Variants in ID4 observed in about 807,000 individuals in gnomAD.
ID4 encodes the protein DNA-binding protein inhibitor ID-4.
Under a neutral mutation model 8.6 loss-of-function variants are expected in ID4, and 9 were observed. The observed-to-expected ratio is 1.04, with a 90% CI of 0.63 to 1.82. The LOEUF is 1.82. Among genes scored for constraint, ID4 ranks in the 40% most tolerant of loss-of-function variants. The pLI is 0.00. For missense variants in ID4, 270 were observed against 235.1 expected, an observed-to-expected ratio of 1.15 and a Z score of -0.97; for synonymous variants, 180 against 118.0, an observed-to-expected ratio of 1.53 and a Z score of -3.41.
Position 19,838,111 on chromosome 6 carries a change from A to G in ID4, c.357A>G (p.Pro119=). 6.3e-7 allele frequency: 1 copy of G among 1,585,398 alleles called. No homozygotes were observed. The highest frequency in any genetic ancestry group is 8.6e-7 in the Non-Finnish European group (1 of 1,167,486). Residue 119 remains proline, a synonymous_variant, in exon 1 of 3, where the codon CCA becomes CCG. Transcript: ENST00000378700. ...ACCCGGCCCTGCTGAGGCAGCCACC[A>G]CCGCCCGCGCCGCCACACCACCCGG... is the stretch of plus-strand genomic sequence containing the variant. ...ETHPALLRQP[P]PPAPPHHPAG... is the part of the protein sequence containing the mutation.
At position 19,838,604 on chromosome 6, in the gene ID4, G is replaced by C. The variant is rs951123916; in HGVS notation, c.462G>C (p.Gln154His). ...TCCAGGCCGGCGCGGTGAACAAGCA[G>C]GGCGACAGCATTCTGTGCCGCTGAG... ...NTDPAGAVNK[Q>H]GDSILCR Residue 154 changes from glutamine (Q) to histidine (H), a missense_variant, in exon 2 of 3, where the codon CAG (glutamine) becomes CAC (histidine). By Grantham distance (24) the Gln-to-His change is conservative (BLOSUM62 0). Coordinates refer to ENST00000378700, the MANE Select transcript of ID4 (RefSeq NM_001546.4). The C allele has an allele frequency of 6.2e-7, 1 of 1,613,894 alleles. No homozygotes were observed. The highest frequency in any genetic ancestry group is 1.3e-5 in the African/African-American group (1 of 74,938).
At position 19,837,979 on chromosome 6, in the gene ID4, G is replaced by C; in HGVS notation, c.225G>C (p.Leu75=). The C allele has an allele frequency of 6.3e-7, 1 of 1,590,878 alleles. No individual in the cohort carries two copies. The highest frequency in any genetic ancestry group is 8.6e-7 in the Non-Finnish European group (1 of 1,169,064). ...QCDMNDCYSR[L]RRLVPTIPPN... ...ATATGAACGACTGCTATAGCCGCCT[G>C]CGGAGGCTGGTGCCCACCATCCCGC... The change falls in exon 1 of 3, where the codon CTG becomes CTC. Residue 75 remains leucine (L), a synonymous_variant. Transcript: ENST00000378700.
In ID4 at chr6:19,840,723, T is replaced by TA. The variant is rs1761344418; in HGVS notation, c.*1529dup. 1 of 82,418 alleles carries TA rather than the reference T, an allele frequency of 1.2e-5. No individual in the cohort carries two copies. 5.1% of individuals were successfully genotyped at this position (82,418 alleles called of 1,614,324 possible). ...TCTCATTTCTTTAAAACCTTACTCT[T>TA]ATTTTTCTTTTAAGGCTCTTTTTTC... On this transcript the variant is annotated 3_prime_UTR_variant, in exon 3 of 3. Transcript: ENST00000378700.
chr6:19,837,660 A>T lies in ID4; in HGVS notation c.-95A>T. ...CCGAGCGCGCCGGGCGCGGAGGCAA[A>T]GGGAGCGGAGCCGGCCGCGGACGGG... is the stretch of plus-strand genomic sequence containing the variant. On this transcript the variant is annotated 5_prime_UTR_variant, in exon 1 of 3. In the 5' UTR this introduces an upstream ATG that the reference lacks. Coordinates refer to ENST00000378700, the MANE Select transcript of ID4 (RefSeq NM_001546.4). 2 of 886,914 alleles carry T rather than the reference A, an allele frequency of 2.3e-6. No homozygotes were observed. The highest frequency in any genetic ancestry group is 5.3e-5 in the South Asian group (1 of 18,820). 54.9% of individuals were successfully genotyped at this position (886,914 alleles called of 1,614,324 possible). A position where few individuals can be genotyped will look rare whatever the true frequency, so the allele number is the denominator to read the frequency against.
Position 19,840,740 on chromosome 6 carries a change from T to C in ID4, c.*1545T>C, listed in dbSNP as rs149571293. The C allele has an allele frequency of 1.2e-4, 18 of 152,306 alleles. No homozygotes were observed. The highest frequency in any genetic ancestry group is 4.1e-4 in the African/African-American group (17 of 41,576). 9.4% of individuals were successfully genotyped at this position (152,306 alleles called of 1,614,324 possible). ...CTTACTCTTATTTTTCTTTTAAGGC[T>C]CTTTTTTCTCCTTAAGGAAGGTAAT... On this transcript the variant is annotated 3_prime_UTR_variant, in exon 3 of 3. Coordinates refer to ENST00000378700, the MANE Select transcript of ID4 (RefSeq NM_001546.4).
intron 2 of ID4, 48 bp downstream of exon 2, chr6:19,838,690 G>C (rs1169468845): frequency 1.3e-6 from 2 of 1,540,662 alleles, no homozygotes; most frequent in Admixed American, 1.7e-5. Context: ...AGAGACGCCC[G>C]TCCCCGAGGG....
At position 19,837,704 on chromosome 6, in the gene ID4, T is replaced by C; in HGVS notation, c.-51T>C. ...GGACGGGGCCCGGAGCTTGCCTGCC[T>C]CCCTCGCTCGCCCCAGCGGGTTCGC... is the stretch of plus-strand genomic sequence containing the variant. On this transcript the variant is annotated 5_prime_UTR_variant, in exon 1 of 3. Coordinates refer to ENST00000378700, the MANE Select transcript of ID4 (RefSeq NM_001546.4). 9.3e-7 allele frequency: 1 copy of C among 1,076,962 alleles called. No homozygotes were observed. 66.7% of individuals were successfully genotyped at this position (1,076,962 alleles called of 1,614,324 possible). A position where few individuals can be genotyped will look rare whatever the true frequency, so the allele number is the denominator to read the frequency against.
rs1389226766 is a variant in ID4 at position 19,840,304 on chromosome 6, C to T, written c.*1109C>T. 6.6e-6 allele frequency: 1 copy of T among 152,492 alleles called. No individual in the cohort carries two copies. Among genetic ancestry groups the T allele is most frequent in the East Asian group, 1.9e-4 (1 of 5,190 alleles). 9.4% of individuals were successfully genotyped at this position (152,492 alleles called of 1,614,324 possible). ...AAGTGAAAAAAAATTGCTTATTACT[C>T]TTCATTTTACACTAAAGCTTAATGT... On this transcript the variant is annotated 3_prime_UTR_variant, in exon 3 of 3. Transcript: ENST00000378700.
rs149534584 is a variant in ID4, at chr6:19,838,083, C to A, written c.329C>A (p.Thr110Lys). Residue 110 changes from threonine to lysine, a missense_variant, in exon 1 of 3, where the codon ACG (threonine) becomes AAG (lysine). Thr to Lys is a moderately conservative substitution (Grantham distance 78). Around this residue, in one of 3 missense-constraint regions of ID4, gnomAD observed 107 missense variants for 81.0 expected, o/e 1.32. Transcript: ENST00000378700. ...CTGGACCTGCAGCTGGCGCTGGAGA[C>A]GCACCCGGCCCTGCTGAGGCAGCCA... ...YILDLQLALE[T>K]HPALLRQPPP... 6.2e-7 allele frequency: 1 copy of A among 1,604,904 alleles called. No homozygotes were observed. The highest frequency in any genetic ancestry group is 1.3e-5 in the African/African-American group (1 of 74,456).
chr6:19,841,105 A>G lies in ID4; in HGVS notation c.*1910A>G, dbSNP rs1216298399. Among the ~76,000 whole-genome samples, 5 of 152,210 alleles carry G rather than the reference A, an allele frequency of 3.3e-5. No individual in the cohort carries two copies. The East Asian group carries it at 9.6e-4, about 29-fold the overall frequency. ...AGAAATGAACAAAACTAATGCTAGC[A>G]GGTTAAAATCAATCAAAATGTTTAA... On this transcript the variant is annotated 3_prime_UTR_variant, in exon 3 of 3. Transcript: ENST00000378700.
In ID4 at chr6:19,840,720, T is replaced by C. The variant is rs1232076083; in HGVS notation, c.*1525T>C. The stretch of plus-strand genomic sequence containing the variant: ...TGGTCTCATTTCTTTAAAACCTTAC[T>C]CTTATTTTTCTTTTAAGGCTCTTTT... On this transcript the variant is annotated 3_prime_UTR_variant, in exon 3 of 3. Transcript: ENST00000378700. The C allele has an allele frequency of 7.2e-6, 1 of 138,196 alleles. No homozygotes were observed. The highest frequency in any genetic ancestry group is 1.6e-5 in the Non-Finnish European group (1 of 63,360). 8.6% of individuals were successfully genotyped at this position (138,196 alleles called of 1,614,324 possible).
chr6:19,839,875 T>C lies in ID4; in HGVS notation c.*680T>C, dbSNP rs375230011. Reference sequence around the variant, plus strand: ...CTATGGGAATATTTCTTTTGGAAAATCATTTTTCAGCTCAATTACAGAGCT... The same window carrying C: ...CTATGGGAATATTTCTTTTGGAAAACCATTTTTCAGCTCAATTACAGAGCT... On this transcript the variant is annotated 3_prime_UTR_variant, in exon 3 of 3. Coordinates refer to ENST00000378700, the MANE Select transcript of ID4 (RefSeq NM_001546.4). 2.0e-5 allele frequency: 3 copies of C among 152,160 alleles called. No homozygotes were observed. Among genetic ancestry groups the C allele is most frequent in the Non-Finnish European group, 4.4e-5 (3 of 68,014 alleles). The allele number at this position is 152,160 out of a possible 1,614,324, so 9.4% of individuals were successfully genotyped here. A position where few individuals can be genotyped will look rare whatever the true frequency, so the allele number is the denominator to read the frequency against.
intron 1 of ID4, 150 bp downstream of exon 1, chr6:19,838,345 C>A: frequency 1.0e-6 from 1 of 994,364 alleles, no homozygotes; most frequent in South Asian, 2.1e-5. Flanking sequence ...CTCCCCCGGG[C>A]CGCCAGCAGC....
At position 19,842,173 on chromosome 6, in the gene ID4, AAC is replaced by A. The variant is rs574873573; in HGVS notation, c.*2980_*2981del. Reference sequence around the variant, plus strand: ...ATCTATTGTATTAGTTGCCTTCTATAACAATAAATCTTCACTGAGCAAAAGGC... The same window carrying A: ...ATCTATTGTATTAGTTGCCTTCTATAAATAAATCTTCACTGAGCAAAAGGC... On this transcript the variant is annotated 3_prime_UTR_variant, in exon 3 of 3. Transcript: ENST00000378700. 6.6e-6 allele frequency among the ~76,000 whole-genome samples: 1 copy of A among 152,216 alleles called. No individual in the cohort carries two copies. The highest frequency in any genetic ancestry group is 1.5e-5 in the Non-Finnish European group (1 of 68,030).
Position 19,837,694 on chromosome 6 carries a change from C to G in ID4, c.-61C>G, listed in dbSNP as rs1007222664. ...AGCCGGCCGCGGACGGGGCCCGGAG[C>G]TTGCCTGCCTCCCTCGCTCGCCCCA... On this transcript the variant is annotated 5_prime_UTR_variant, in exon 1 of 3. Transcript: ENST00000378700. 3.8e-6 allele frequency: 4 copies of G among 1,059,012 alleles called. No individual in the cohort carries two copies. Among genetic ancestry groups the G allele is most frequent in the Non-Finnish European group, 4.6e-6 (4 of 872,668 alleles). 65.6% of individuals were successfully genotyped at this position (1,059,012 alleles called of 1,614,324 possible). A position where few individuals can be genotyped will look rare whatever the true frequency, so the allele number is the denominator to read the frequency against.
rs1761343758 is a variant in ID4, at chr6:19,840,694, C to T, written c.*1499C>T. 1 of 151,754 alleles carries T rather than the reference C, an allele frequency of 6.6e-6. No individual in the cohort carries two copies. Among genetic ancestry groups the T allele is most frequent in the Non-Finnish European group, 1.5e-5 (1 of 67,944 alleles). 9.4% of individuals were successfully genotyped at this position (151,754 alleles called of 1,614,324 possible). ...ATTTCTCTGTCTTGTACTGTGATTT[C>T]TGGTCTCATTTCTTTAAAACCTTAC... On this transcript the variant is annotated 3_prime_UTR_variant, in exon 3 of 3. Transcript: ENST00000378700.
At position 19,841,091 on chromosome 6, in the gene ID4, A is replaced by G. The variant is rs1761351983; in HGVS notation, c.*1896A>G. ...GGCAATGTCTAAACAGAAATGAACA[A>G]AACTAATGCTAGCAGGTTAAAATCA... On this transcript the variant is annotated 3_prime_UTR_variant, in exon 3 of 3. Coordinates refer to ENST00000378700, the MANE Select transcript of ID4 (RefSeq NM_001546.4). Among the ~76,000 whole-genome samples, 1 of 152,214 alleles carries G rather than the reference A, an allele frequency of 6.6e-6. No individual in the cohort carries two copies. The highest frequency in any genetic ancestry group is 6.5e-5 in the Admixed American group (1 of 15,284).
At chr6:19,838,773 C>T (rs374437301) in intron 2 of ID4, 131 bp downstream of exon 2, 76 of 702,400 alleles carry the variant, frequency 1.1e-4, no homozygotes, top group Middle Eastern at 3.6e-4. Context: ...GAAGTAAATC[C>T]CCTCTCTCCC....
chr6:19,840,516 G>T lies in ID4; in HGVS notation c.*1321G>T, dbSNP rs1352922890. On this transcript the variant is annotated 3_prime_UTR_variant, in exon 3 of 3. Transcript: ENST00000378700. ...AATCCTTCAAGCAGGGATAAAAGTC[G>T]ATCTTCAAACATTAACTTAAGCAGA... 1 of 152,632 alleles carries T rather than the reference G, an allele frequency of 6.6e-6. No individual in the cohort carries two copies. The highest frequency in any genetic ancestry group is 2.4e-5 in the African/African-American group (1 of 41,544). 9.5% of individuals were successfully genotyped at this position (152,632 alleles called of 1,614,324 possible). A position where few individuals can be genotyped will look rare whatever the true frequency, so the allele number is the denominator to read the frequency against.
Sources: allele counts gnomAD v4.1 joint callset (sites outside exome capture counted in the v4.1 genomes callset), GRCh38; gene constraint gnomAD v4.1.1; regional missense constraint gnomAD v4.1.1; transcripts MANE v1.5; gene names NCBI Gene and HGNC (gene_info 2026-07-23, HGNC 2026-07-21).